The following PROM1 variants were observed in gnomAD, a reference collection of about 807,000 sequenced individuals.
PROM1 encodes prominin 1.
PROM1 carries 105 observed loss-of-function variants against 116.9 expected under a neutral mutation model. The observed-to-expected ratio is 0.90, with a 90% CI of 0.77 to 1.06. The LOEUF is 1.06. Ranked by LOEUF, PROM1 falls within the 50% of genes least tolerant of loss-of-function variation. The pLI is 0.00. For missense variants in PROM1, 1,122 were observed against 1,045.2 expected (o/e 1.07, Z -1.01); for synonymous variants, 393 against 387.0 (o/e 1.02, Z -0.18).
In PROM1 at chr4:15,969,288, T is replaced by C. The variant is rs921220469; in HGVS notation, c.*105A>G. On this transcript the variant is annotated 3_prime_UTR_variant, in exon 28 of 28. Coordinates refer to ENST00000447510, the MANE Select transcript of PROM1 (RefSeq NM_006017.3). ...CTGAGTCACTACGTTGCCACTGGCG[T>C]TGCTCCTGGATTTGGAAAGTCCTTG... 1.3e-5 allele frequency: 2 copies of C among 152,140 alleles called. No homozygotes were observed. Among genetic ancestry groups the C allele is most frequent in the African/African-American group, 4.8e-5 (2 of 41,380 alleles). 9.4% of individuals were successfully genotyped at this position (152,140 alleles called of 1,614,324 possible).
At chr4:16,046,216 G>A (rs1229893169) in intron 2 of PROM1, among the ~76,000 whole-genome samples, 3 of 152,216 alleles carry the variant, frequency 2.0e-5, no homozygotes, top group Admixed American at 2.0e-4. Flanking sequence ...AAGAGGCAGA[G>A]CCAGTTGGTG....
intron 17 of PROM1, 138 bp from the exon 18 acceptor site, chr4:15,991,431 G>T: frequency 1.8e-6 from 1 of 555,416 alleles, no homozygotes; most frequent in Non-Finnish European, 3.1e-6. Context: ...TAAACAGGTG[G>T]CAACATTTGC....
intron 11 of PROM1, among the ~76,000 whole-genome samples, chr4:16,011,303 T>C (rs781371678): frequency 4.6e-5 from 7 of 152,098 alleles, no homozygotes; most frequent in Non-Finnish European, 8.8e-5. Context: ...TGTGTACACA[T>C]GGCTGGCTAA....
chr4:15,988,199 C>T (rs1489738293), intron 19 of PROM1, among the ~76,000 whole-genome samples: 1 of 152,146 alleles, frequency 6.6e-6, no homozygotes, highest in East Asian at 1.9e-4. Context: ...TTCTATGCCT[C>T]TGGTGTAAGA....
rs1419089819 is a variant in PROM1, at chr4:15,986,007, C to T, written c.2161G>A (p.Asp721Asn). The T allele has an allele frequency of 8.2e-6, 13 of 1,579,858 alleles. No individual in the cohort carries two copies. The highest frequency in any genetic ancestry group is 3.5e-5 in the South Asian group (3 of 86,886). The stretch of plus-strand genomic sequence containing the variant: ...TTTGTGATGAAGTTCTGAGCAAAAT[C>T]CAGAGAAGCTAGAATCCTAGTTACT... ...ERVTRILASL[D>N]FAQNFITNNT... Residue 721 changes from aspartate (D) to asparagine (N), a missense_variant, in exon 21 of 28, where the codon GAT becomes AAT. Physicochemically the swap from Asp to Asn is conservative, Grantham distance 23. Coordinates refer to ENST00000447510, the MANE Select transcript of PROM1 (RefSeq NM_006017.3).
At chr4:16,011,793 G>A (rs942635934) in intron 11 of PROM1, among the ~76,000 whole-genome samples, 6 of 152,146 alleles carry the variant, frequency 3.9e-5, no homozygotes, top group Non-Finnish European at 4.4e-5. Context: ...AACATCTAAA[G>A]TGTCATGTAG....
intron 6 of PROM1, among the ~76,000 whole-genome samples, chr4:16,024,816 A>T (rs1341223205): frequency 1.3e-5 from 2 of 152,222 alleles, no homozygotes; most frequent in Non-Finnish European, 2.9e-5. Flanking sequence ...GGATGGTTTC[A>T]TTACAAGAGT....
At chr4:16,024,160 C>G (rs1256482783) in intron 7 of PROM1, 135 bp downstream of exon 7, 4 of 755,108 alleles carry the variant, frequency 5.3e-6, no homozygotes, top group South Asian at 1.8e-5. Context: ...ACAAATGACA[C>G]ATTGGCAATA....
chr4:15,994,133 A>G (rs1721738109), intron 15 of PROM1, 62 bp from the exon 16 acceptor site: 1 of 1,605,052 alleles, frequency 6.2e-7, no homozygotes, highest in Middle Eastern at 1.7e-4. Context: ...TCTGTCCACC[A>G]CTGAAGATGA....
rs375291836 is a variant in PROM1, at chr4:15,994,122, C to T, written c.1683-51G>A. The stretch of plus-strand genomic sequence containing the variant: ...GACCTAGAAAAGCTGTTGCAGCTAC[C>T]TCTGTCCACCACTGAAGATGAGGAG... On this transcript the variant is annotated intron_variant, in intron 15 of 27. Coordinates refer to ENST00000447510, the MANE Select transcript of PROM1 (RefSeq NM_006017.3). The T allele has an allele frequency of 3.5e-5, 56 of 1,610,730 alleles. 1 individual carries two copies. The South Asian group carries it at 4.9e-4, about 14-fold the overall frequency.
At chr4:15,986,450 C>T (rs1225734095) in intron 20 of PROM1, among the ~76,000 whole-genome samples, 1 of 151,850 alleles carries the variant, frequency 6.6e-6, no homozygotes, top group Non-Finnish European at 1.5e-5. Flanking sequence ...CTTTGCACTA[C>T]AACACAAGCA....
intron 14 of PROM1, 103 bp from the exon 15 acceptor site, chr4:15,998,591 C>A (rs1722903796): frequency 8.2e-7 from 1 of 1,219,576 alleles, no homozygotes; most frequent in Admixed American, 4.0e-5. Context: ...GGAAATTTTT[C>A]ATAACATTAT....
rs962381024 is a variant in PROM1 at position 16,060,212 on chromosome 4, AT to A, written c.220+15474del. ...AGTCATATAAATAGGTTATCCCTGC[AT>A]TTTTTTTCCAAATTAAAGAGAAACG... On this transcript the variant is annotated intron_variant, in intron 2 of 27. Coordinates refer to ENST00000447510, the MANE Select transcript of PROM1 (RefSeq NM_006017.3). Among the ~76,000 whole-genome samples the A allele has an allele frequency of 2.2e-4, 33 of 152,026 alleles. No homozygotes were observed. The Middle Eastern group carries it at 0.014, about 63-fold the overall frequency.
intron 23 of PROM1, among the ~76,000 whole-genome samples, chr4:15,982,910 T>C (rs1217643670): frequency 6.6e-6 from 1 of 152,096 alleles, no homozygotes; most frequent in Admixed American, 6.5e-5. Flanking sequence ...AGCAGACAGA[T>C]GGACAAGTGA....
intron 2 of PROM1, among the ~76,000 whole-genome samples, chr4:16,060,672 G>A (rs1460886539): frequency 6.6e-6 from 1 of 152,064 alleles, no homozygotes; most frequent in Non-Finnish European, 1.5e-5. Flanking sequence ...TCTACCAAAC[G>A]AATGAATGAA....
chr4:15,992,143 C>T (rs752065312), intron 17 of PROM1, 105 bp downstream of exon 17: 14 of 1,437,774 alleles, frequency 9.7e-6, no homozygotes, highest in Non-Finnish European at 9.6e-7. Flanking sequence ...AATAGTCTTA[C>T]ATCATGTGAA....
chr4:16,032,616 G>A (rs548136643), intron 5 of PROM1, among the ~76,000 whole-genome samples: 20 of 152,226 alleles, frequency 1.3e-4, no homozygotes, highest in African/African-American at 4.8e-4. Flanking sequence ...CATAACAAGG[G>A]AACACTGCTG....
chr4:16,071,021 C>T (rs945201117), intron 2 of PROM1, among the ~76,000 whole-genome samples: 9 of 152,172 alleles, frequency 5.9e-5, no homozygotes, highest in African/African-American at 2.2e-4. Context: ...CAAGATCATT[C>T]AGCAGTTAAC....
chr4:15,982,008 A>C (rs1718086753), intron 23 of PROM1, among the ~76,000 whole-genome samples: 2 of 152,228 alleles, frequency 1.3e-5, no homozygotes, highest in Non-Finnish European at 2.9e-5. Context: ...CTGCAAGGTG[A>C]TATTCCAAAT....
Sources: allele counts gnomAD v4.1 joint callset (sites outside exome capture counted in the v4.1 genomes callset), GRCh38; gene constraint gnomAD v4.1.1; transcripts MANE v1.5; gene names NCBI Gene and HGNC (gene_info 2026-07-23, HGNC 2026-07-21).